GHR: variants seen among roughly 807,000 people sequenced by gnomAD.
GHR encodes growth hormone receptor.
A neutral mutation model predicts 67.1 loss-of-function variants in GHR; 35 were observed. The ratio of observed to expected loss-of-function variants is 0.52; its 90% confidence interval spans 0.40 to 0.69. The LOEUF is 0.69. Among genes scored for constraint, GHR ranks in the 30% least tolerant of loss-of-function variants. GHR has a pLI of 0.00. For missense variants in GHR, 792 were observed against 764.6 expected, an observed-to-expected ratio of 1.04 and a Z score of -0.42; for synonymous variants, 272 against 269.1, an observed-to-expected ratio of 1.01 and a Z score of -0.10.
chr5:42,696,737 T>C (rs183366298), intron 5 of GHR, among the ~76,000 whole-genome samples: 4 of 152,232 alleles, frequency 2.6e-5, no homozygotes, highest in African/African-American at 9.6e-5. Context: ...AATAGGGAAA[T>C]TACTTGAGGA....
At chr5:42,488,148 T>C (rs570781035) in intron 1 of GHR, among the ~76,000 whole-genome samples, 313 of 152,366 alleles carry the variant, frequency 2.1e-3, no homozygotes, top group South Asian at 4.3e-3. Context: ...ATGTATCTAT[T>C]AGTAAAACTT....
At chr5:42,465,234 G>A (rs1234101309) in intron 1 of GHR, among the ~76,000 whole-genome samples, 1 of 152,172 alleles carries the variant, frequency 6.6e-6, no homozygotes, top group African/African-American at 2.4e-5. Context: ...AGTTGACAAA[G>A]CCAGAACAGT....
Position 42,540,385 on chromosome 5 carries a change from G to A in GHR, c.-11-25479G>A, listed in dbSNP as rs939521378. ...AAATATAGTAATTATCTAGGAATAAGAATTGTCCATTTTCTACCTATTGAG... is the reference window on the plus strand; with the variant it reads ...AAATATAGTAATTATCTAGGAATAAAAATTGTCCATTTTCTACCTATTGAG... On this transcript the variant is annotated intron_variant, in intron 1 of 9. Transcript: ENST00000230882. Among the ~76,000 whole-genome samples the A allele has an allele frequency of 3.3e-5, 5 of 152,078 alleles. No homozygotes were observed. In the South Asian group the frequency reaches 8.3e-4, roughly 25 times the overall value.
chr5:42,529,775 T>C (rs1190419069), intron 1 of GHR, among the ~76,000 whole-genome samples: 1 of 152,168 alleles, frequency 6.6e-6, no homozygotes, highest in Non-Finnish European at 1.5e-5. Context: ...AAATTTACTC[T>C]TGTCATCCTT....
At chr5:42,561,062 C>T (rs532998145) in intron 1 of GHR, among the ~76,000 whole-genome samples, 155 of 152,292 alleles carry the variant, frequency 1.0e-3, no homozygotes, top group African/African-American at 3.7e-3. Flanking sequence ...TCTCTATTCA[C>T]CAGCTTCCTC....
intron 1 of GHR, chr5:42,565,634 T>G (rs80207133): frequency 1.0e-6 from 1 of 984,894 alleles, no homozygotes; most frequent in Non-Finnish European, 1.2e-6. Flanking sequence ...AGTGTTCATG[T>G]TATTTCCTGA....
intron 1 of GHR, among the ~76,000 whole-genome samples, chr5:42,458,774 A>G (rs1744367119): frequency 6.6e-6 from 1 of 152,232 alleles, no homozygotes; most frequent in Non-Finnish European, 1.5e-5. Flanking sequence ...TCTATAACAA[A>G]CTTGAACAAA....
At chr5:42,699,747 G>T in intron 5 of GHR, 77 bp from the exon 6 acceptor site, 1 of 884,558 alleles carries the variant, frequency 1.1e-6, no homozygotes, top group Non-Finnish European at 1.9e-6. Context: ...AAAGTAATTT[G>T]GTCTTCTGAG....
intron 1 of GHR, among the ~76,000 whole-genome samples, chr5:42,519,439 G>C (rs1317507659): frequency 1.3e-5 from 2 of 152,168 alleles, no homozygotes; most frequent in Non-Finnish European, 2.9e-5. Context: ...ACAAATTTAA[G>C]TCTCTCAGTA....
At chr5:42,522,790 G>T (rs1350933840) in intron 1 of GHR, among the ~76,000 whole-genome samples, 1 of 152,174 alleles carries the variant, frequency 6.6e-6, no homozygotes, top group East Asian at 1.9e-4. Context: ...TTTTAAGAAA[G>T]AGTCTGAAAA....
At chr5:42,568,196 G>A (rs1476840913) in intron 2 of GHR, among the ~76,000 whole-genome samples, 2 of 152,040 alleles carry the variant, frequency 1.3e-5, no homozygotes, top group African/African-American at 4.8e-5. Flanking sequence ...GGGCAGATGA[G>A]CAATTAGAAA....
At chr5:42,582,854 G>C (rs1751259900) in intron 2 of GHR, among the ~76,000 whole-genome samples, 1 of 152,228 alleles carries the variant, frequency 6.6e-6, no homozygotes, top group Non-Finnish European at 1.5e-5. Context: ...GCTGGTGCCT[G>C]TGCTGGTGCC....
intron 1 of GHR, chr5:42,548,096 A>G (rs1384475541): frequency 1.1e-5 from 11 of 985,410 alleles, no homozygotes; most frequent in Non-Finnish European, 1.3e-5. Context: ...ATGAGACTCC[A>G]GCCTAGGCCT....
chr5:42,474,888 T>TTC (rs1444583209), intron 1 of GHR, among the ~76,000 whole-genome samples: 2 of 98,036 alleles, frequency 2.0e-5, no homozygotes, highest in Non-Finnish European at 4.7e-5. Flanking sequence ...TTTTTGCCCT[T>TTC]TTTTTTTTTT....
intron 3 of GHR, among the ~76,000 whole-genome samples, chr5:42,634,351 A>G (rs1754067082): frequency 6.6e-6 from 1 of 152,154 alleles, no homozygotes; most frequent in African/African-American, 2.4e-5. Flanking sequence ...ATTGGACCCT[A>G]AAATCATTAT....
At chr5:42,465,359 A>G in intron 1 of GHR, 4 of 896,416 alleles carry the variant, frequency 4.5e-6, no homozygotes, top group Non-Finnish European at 7.2e-6. Flanking sequence ...CACCAGTAAG[A>G]GAAAGTTAGG....
In GHR at chr5:42,626,870, A is replaced by G. The variant is rs967236794; in HGVS notation, c.71-2168A>G. 2.0e-5 allele frequency among the ~76,000 whole-genome samples: 3 copies of G among 152,216 alleles called. No individual in the cohort carries two copies. The East Asian group carries it at 5.8e-4, about 29-fold the overall frequency. ...GACCCTCTAAGAATAACTTAGAGGT[A>G]ACGTGATCAGATGTGGGGAATTCTG... On this transcript the variant is annotated intron_variant, in intron 2 of 9. Coordinates refer to ENST00000230882, the MANE Select transcript of GHR (RefSeq NM_000163.5).
chr5:42,710,501 C>T (rs992003048), intron 6 of GHR, among the ~76,000 whole-genome samples: 1 of 151,892 alleles, frequency 6.6e-6, no homozygotes, highest in East Asian at 1.9e-4. Context: ...TCACTCTACC[C>T]CTCCCCGAGA....
intron 1 of GHR, among the ~76,000 whole-genome samples, chr5:42,529,580 G>A (rs938905111): frequency 7.9e-5 from 12 of 152,266 alleles, no homozygotes; most frequent in Admixed American, 7.2e-4. Context: ...AGGTGAATCT[G>A]TCTGGCCAGT....
Sources: allele counts gnomAD v4.1 joint callset (sites outside exome capture counted in the v4.1 genomes callset), GRCh38; gene constraint gnomAD v4.1.1; transcripts MANE v1.5; gene names NCBI Gene and HGNC (gene_info 2026-07-23, HGNC 2026-07-21).